Variants in FGD4 observed in about 807,000 individuals in gnomAD.
FGD4 encodes FYVE, RhoGEF and PH domain containing 4.
In FGD4, 42 loss-of-function variants were observed where a neutral mutation model predicts 102.0. The observed-to-expected ratio is 0.41, with a 90% CI of 0.32 to 0.53. The LOEUF is 0.53. Ranked by LOEUF, FGD4 falls within the 20% of genes least tolerant of loss-of-function variation. The pLI is 0.21. For synonymous variants in FGD4, 380 were observed against 375.7 expected (o/e 1.01, Z -0.13); for missense variants, 902 against 1,078.2 (o/e 0.84, Z 2.29).
intron 1 of FGD4, among the ~76,000 whole-genome samples, chr12:32,437,192 C>T (rs1942261342): frequency 6.6e-6 from 1 of 151,534 alleles, no homozygotes; most frequent in Non-Finnish European, 1.5e-5. Flanking sequence ...AATGTAAATA[C>T]ATTCTCTTTC....
intron 1 of FGD4, among the ~76,000 whole-genome samples, chr12:32,418,821 A>C (rs915457978): frequency 1.3e-5 from 2 of 152,146 alleles, no homozygotes; most frequent in African/African-American, 2.4e-5. Flanking sequence ...CCTAGGCCCC[A>C]GATTGGTTCA....
At chr12:32,474,029 A>G (rs1323872633) in intron 1 of FGD4, among the ~76,000 whole-genome samples, 1 of 151,928 alleles carries the variant, frequency 6.6e-6, no homozygotes, top group Non-Finnish European at 1.5e-5. Flanking sequence ...CAGAGGTTGC[A>G]GTGAGCTGAG....
chr12:32,616,480 A>AGTGTCAT (rs1179211356), intron 10 of FGD4, among the ~76,000 whole-genome samples: 13 of 152,214 alleles, frequency 8.5e-5, no homozygotes, highest in Non-Finnish European at 1.6e-4. Context: ...AAACATTTCC[A>AGTGTCAT]GTGTCATGTT....
intron 1 of FGD4, among the ~76,000 whole-genome samples, chr12:32,467,964 C>T (rs1322436618): frequency 2.0e-5 from 3 of 152,000 alleles, no homozygotes; most frequent in African/African-American, 7.2e-5. Flanking sequence ...TGCAGTGAGC[C>T]GAAATCACGC....
rs1353128948 is a variant in FGD4, at chr12:32,645,155, G to A, written c.*4622G>A. 1 of 152,164 alleles carries A rather than the reference G, an allele frequency of 6.6e-6. No individual in the cohort carries two copies. The highest frequency in any genetic ancestry group is 1.5e-5 in the Non-Finnish European group (1 of 68,036). 9.4% of individuals were successfully genotyped at this position (152,164 alleles called of 1,614,324 possible). A position where few individuals can be genotyped will look rare whatever the true frequency, so the allele number is the denominator to read the frequency against. On this transcript the variant is annotated 3_prime_UTR_variant, in exon 17 of 17. Coordinates refer to ENST00000534526, the MANE Select transcript of FGD4 (RefSeq NM_001370298.3). Reference sequence around the variant, plus strand: ...ATACCAAATACATAGTGACATATAGGTTTGGGAAGAAACTAGTCTGTGGGG... The same window carrying A: ...ATACCAAATACATAGTGACATATAGATTTGGGAAGAAACTAGTCTGTGGGG...
chr12:32,526,651 G>A (rs908349316), intron 1 of FGD4, among the ~76,000 whole-genome samples: 5 of 152,214 alleles, frequency 3.3e-5, no homozygotes, highest in Non-Finnish European at 7.3e-5. Context: ...CTTCCACACT[G>A]TGGGAGCTTT....
At chr12:32,575,273 A>G (rs1208876589) in intron 2 of FGD4, among the ~76,000 whole-genome samples, 2 of 152,192 alleles carry the variant, frequency 1.3e-5, no homozygotes, top group East Asian at 3.9e-4. Context: ...TGCAGGCTGT[A>G]CAGGAAGCAC....
intron 14 of FGD4, among the ~76,000 whole-genome samples, chr12:32,630,753 T>C (rs1214372319): frequency 6.6e-6 from 1 of 151,308 alleles, no homozygotes; most frequent in Admixed American, 6.6e-5. Context: ...GAGGTGGAGA[T>C]TGCAGTGAGC....
chr12:32,538,946 C>T (rs906339357), intron 1 of FGD4, among the ~76,000 whole-genome samples: 5 of 151,928 alleles, frequency 3.3e-5, no homozygotes, highest in Non-Finnish European at 7.4e-5. Context: ...CCCATCTACT[C>T]AGTAGGTTGA....
intron 1 of FGD4, among the ~76,000 whole-genome samples, chr12:32,511,517 T>C (rs1939369465): frequency 6.6e-6 from 1 of 152,092 alleles, no homozygotes; most frequent in South Asian, 2.1e-4. Context: ...TTAGCCAGGA[T>C]GGTCTTGATC....
intron 1 of FGD4, among the ~76,000 whole-genome samples, chr12:32,437,167 G>C (rs1265597494): frequency 4.0e-5 from 6 of 151,588 alleles, no homozygotes; most frequent in Non-Finnish European, 5.9e-5. Flanking sequence ...AGGGGCTGCT[G>C]AACAATGCAG....
At chr12:32,631,490 TGA>T (rs1242742790) in intron 14 of FGD4, among the ~76,000 whole-genome samples, 1 of 151,154 alleles carries the variant, frequency 6.6e-6, no homozygotes. Context: ...AAAATTAAAT[TGA>T]GAGCAAACAG....
chr12:32,519,119 G>GAAAAAAAAA (rs751377618), intron 1 of FGD4, among the ~76,000 whole-genome samples: 3 of 73,428 alleles, frequency 4.1e-5, no homozygotes, highest in African/African-American at 1.5e-4. Flanking sequence ...TCCGTCTCAG[G>GAAAAAAAAA]AAAAAAAAAA....
chr12:32,627,808 G>A (rs113371116), intron 14 of FGD4, among the ~76,000 whole-genome samples: 37 of 152,260 alleles, frequency 2.4e-4, no homozygotes, highest in African/African-American at 8.7e-4. Flanking sequence ...AGTTAATAAT[G>A]AATAAGAGAA....
chr12:32,515,877 G>A (rs1016379576), intron 1 of FGD4, among the ~76,000 whole-genome samples: 2 of 152,170 alleles, frequency 1.3e-5, no homozygotes, highest in African/African-American at 4.8e-5. Flanking sequence ...AGGAAGATAG[G>A]ATAAATTGAA....
chr12:32,504,790 A>G (rs557068248), intron 1 of FGD4, among the ~76,000 whole-genome samples: 2 of 152,350 alleles, frequency 1.3e-5, no homozygotes, highest in African/African-American at 4.8e-5. Context: ...GTAGGCAGCA[A>G]ATCAACCAGC....
chr12:32,519,748 G>A (rs1402395369), intron 1 of FGD4, among the ~76,000 whole-genome samples: 1 of 152,178 alleles, frequency 6.6e-6, no homozygotes. Flanking sequence ...GACCAGCCTA[G>A]CCAAGATGGT....
At chr12:32,537,367 C>T (rs1942381655) in intron 1 of FGD4, among the ~76,000 whole-genome samples, 1 of 152,194 alleles carries the variant, frequency 6.6e-6, no homozygotes, top group African/African-American at 2.4e-5. Flanking sequence ...TTAGGTTACA[C>T]ACAGCTTTCC....
In FGD4 at chr12:32,622,253, TC is replaced by T. The variant is rs1214712409; in HGVS notation, c.1923-2168del. Among the ~76,000 whole-genome samples, 6 of 152,324 alleles carry T rather than the reference TC, an allele frequency of 3.9e-5. No homozygotes were observed. The East Asian group carries it at 9.6e-4, about 24-fold the overall frequency. On this transcript the variant is annotated intron_variant, in intron 11 of 16. Transcript: ENST00000534526. ...TGAAGGCGTTGCTAACTCTGAAACT[TC>T]AGCACACTTCCATCTGCAAACCCAA... is the stretch of plus-strand genomic sequence containing the variant.
Sources: gnomAD v4.1 joint callset for allele counts (sites outside exome capture counted in the v4.1 genomes callset) on GRCh38, gnomAD v4.1.1 for gene constraint, MANE v1.5 for transcripts, NCBI Gene and HGNC (gene_info 2026-07-23, HGNC 2026-07-21) for gene names.